Variants in RAP1B observed in about 807,000 individuals in gnomAD.
RAP1B encodes RAP1B, member of RAS oncogene family.
In RAP1B, 1 loss-of-function variant was observed where a neutral mutation model predicts 27.5. The ratio of observed to expected loss-of-function variants is 0.04; its 90% CI spans 0.01 to 0.17. The LOEUF (loss-of-function observed/expected upper bound fraction) is 0.17, where lower values mean the gene tolerates loss of function less well. Among genes scored for constraint, RAP1B ranks in the 10% least tolerant of loss-of-function variants. RAP1B has a pLI of 1.00. For synonymous variants in RAP1B, 75 were observed against 73.1 expected (o/e 1.03, Z -0.13); for missense variants, 84 against 214.8 (o/e 0.39, Z 3.81).
chr12:68,646,881 A>G (rs983968488), intron 1 of RAP1B, among the ~76,000 whole-genome samples: 1 of 152,004 alleles, frequency 6.6e-6, no homozygotes, highest in Non-Finnish European at 1.5e-5. Flanking sequence ...TGTTTGTAAG[A>G]CTCTGAAAAT....
At chr12:68,613,450 C>A (rs1018426733) in intron 1 of RAP1B, among the ~76,000 whole-genome samples, 1 of 151,750 alleles carries the variant, frequency 6.6e-6, no homozygotes, top group African/African-American at 2.4e-5. Flanking sequence ...TTACATTCTC[C>A]CCTCACCCAC....
chr12:68,665,873 T>G lies in RAP1B; in HGVS notation c.*6624T>G, dbSNP rs7967963. 6.6e-6 allele frequency: 1 copy of G among 151,396 alleles called. No homozygotes were observed. Among genetic ancestry groups the G allele is most frequent in the African/African-American group, 2.4e-5 (1 of 40,898 alleles). 9.4% of individuals were successfully genotyped at this position (151,396 alleles called of 1,614,324 possible). On this transcript the variant is annotated 3_prime_UTR_variant, in exon 8 of 8. Coordinates refer to ENST00000250559, the MANE Select transcript of RAP1B (RefSeq NM_001010942.3). ...AACAAGACATCTTTTTTTTTTTTTT[T>G]GAGAGAGTCTGGCTCTGTCACCCAG... is the stretch of plus-strand genomic sequence containing the variant.
intron 3 of RAP1B, chr12:68,650,949 T>C (rs1190762038): frequency 6.6e-6 from 1 of 152,546 alleles, no homozygotes; most frequent in Admixed American, 6.5e-5. Flanking sequence ...AGAATATTTG[T>C]ATATACATAA....
At chr12:68,646,997 G>A (rs1259602745) in intron 1 of RAP1B, among the ~76,000 whole-genome samples, 1 of 152,090 alleles carries the variant, frequency 6.6e-6, no homozygotes, top group Non-Finnish European at 1.5e-5. Flanking sequence ...TACTTTAACT[G>A]TTGGGTCTTT....
At chr12:68,624,388 A>G (rs1871601536) in intron 1 of RAP1B, 1 of 152,208 alleles carries the variant, frequency 6.6e-6, no homozygotes, top group Admixed American at 6.5e-5. Flanking sequence ...GGTATTAGGC[A>G]GTTTGTTTCC....
chr12:68,630,423 AAAAC>A (rs1252946907), intron 1 of RAP1B, among the ~76,000 whole-genome samples: 2 of 152,104 alleles, frequency 1.3e-5, no homozygotes, highest in African/African-American at 4.8e-5. Context: ...AAAAAAAACA[AAAAC>A]AAAAAAACAG....
rs949516955 is a variant in RAP1B at position 68,667,823 on chromosome 12, T to G, written c.*8574T>G. On this transcript the variant is annotated 3_prime_UTR_variant, in exon 8 of 8. Coordinates refer to ENST00000250559, the MANE Select transcript of RAP1B (RefSeq NM_001010942.3). ...CAACGGGAGATTTATAAGTCTATTTTGTTAGAATAAAAAGCAATAATACTT... is the reference window on the plus strand; with the variant it reads ...CAACGGGAGATTTATAAGTCTATTTGGTTAGAATAAAAAGCAATAATACTT... The G allele has an allele frequency of 1.3e-5, 2 of 152,222 alleles. No homozygotes were observed. Among genetic ancestry groups the G allele is most frequent in the East Asian group, 3.8e-4 (2 of 5,200 alleles). 9.4% of individuals were successfully genotyped at this position (152,222 alleles called of 1,614,324 possible). A position where few individuals can be genotyped will look rare whatever the true frequency, so the allele number is the denominator to read the frequency against.
At chr12:68,639,310 A>G (rs930924590) in intron 1 of RAP1B, among the ~76,000 whole-genome samples, 8 of 152,148 alleles carry the variant, frequency 5.3e-5, no homozygotes, top group East Asian at 1.9e-4. Flanking sequence ...CCCTCATTCC[A>G]TCTTTTTGTA....
Position 68,611,225 on chromosome 12 carries a change from C to T in RAP1B, c.-27+182C>T, listed in dbSNP as rs190718336. ...TGGCGCGAGGGCCAGGCGCCGGGCC[C>T]GCGAGCGCGCTGCCTTGCGGGCCGG... On this transcript the variant is annotated intron_variant, in intron 1 of 7. Coordinates refer to ENST00000250559, the MANE Select transcript of RAP1B (RefSeq NM_001010942.3). Among the ~76,000 whole-genome samples the T allele has an allele frequency of 2.7e-5, 4 of 147,096 alleles. No individual in the cohort carries two copies. The East Asian group carries it at 6.0e-4, about 22-fold the overall frequency.
intron 7 of RAP1B, among the ~76,000 whole-genome samples, chr12:68,658,440 T>C (rs1485128819): frequency 6.6e-6 from 1 of 152,180 alleles, no homozygotes; most frequent in East Asian, 1.9e-4. Context: ...GACCTAAAGT[T>C]CTAGGCATTT....
intron 1 of RAP1B, among the ~76,000 whole-genome samples, chr12:68,629,170 G>A (rs796660793): frequency 7.2e-5 from 11 of 152,214 alleles, no homozygotes; most frequent in African/African-American, 2.4e-4. Context: ...GTAGAGACAA[G>A]GTTTCACAAT....
chr12:68,621,946 C>T (rs1437975077), intron 1 of RAP1B, among the ~76,000 whole-genome samples: 1 of 152,130 alleles, frequency 6.6e-6, no homozygotes, highest in Non-Finnish European at 1.5e-5. Flanking sequence ...TCATTGTCCT[C>T]ATATGTTTTT....
At chr12:68,651,157 T>C (rs148071448) in intron 3 of RAP1B, among the ~76,000 whole-genome samples, 36 of 152,372 alleles carry the variant, frequency 2.4e-4, no homozygotes, top group African/African-American at 8.2e-4. Flanking sequence ...CAAAAACTTT[T>C]GGATTTGGAA....
chr12:68,659,044 T>G (rs1287116360), intron 7 of RAP1B, among the ~76,000 whole-genome samples: 3 of 152,222 alleles, frequency 2.0e-5, no homozygotes, highest in Non-Finnish European at 4.4e-5. Flanking sequence ...TTTCCCTTTC[T>G]GTTCCTAAGA....
Position 68,632,140 on chromosome 12 carries a change from T to TG in RAP1B, c.-26-16559_-26-16558insG, listed in dbSNP as rs1491585557. On this transcript the variant is annotated intron_variant, in intron 1 of 7. Transcript: ENST00000250559. ...TGGGTTTTGGATTTGTTTTTTTTTT[T>TG]TTTTTGTTTGTTTTTTTTTTCCAGA... 1.1e-4 allele frequency among the ~76,000 whole-genome samples: 15 copies of TG among 133,344 alleles called. No homozygotes were observed. The East Asian group carries it at 2.6e-3, about 23-fold the overall frequency. 87.5% of individuals were successfully genotyped at this position (133,344 alleles called of 152,430 possible).
At chr12:68,658,250 G>T (rs1369077215) in intron 7 of RAP1B, among the ~76,000 whole-genome samples, 2 of 151,930 alleles carry the variant, frequency 1.3e-5, no homozygotes, top group African/African-American at 4.8e-5. Context: ...TTCCATCTAG[G>T]GCTTTCTGTT....
chr12:68,626,259 T>G (rs1592430134), intron 1 of RAP1B, among the ~76,000 whole-genome samples: 2 of 152,256 alleles, frequency 1.3e-5, no homozygotes, highest in East Asian at 3.8e-4. Flanking sequence ...TACCTTGATT[T>G]ATCTACTAAC....
In RAP1B at chr12:68,670,229, C is replaced by G. The variant is rs1201404178; in HGVS notation, c.*10980C>G. 1 of 151,954 alleles carries G rather than the reference C, an allele frequency of 6.6e-6. No homozygotes were observed. Among genetic ancestry groups the G allele is most frequent in the Non-Finnish European group, 1.5e-5 (1 of 68,012 alleles). 9.4% of individuals were successfully genotyped at this position (151,954 alleles called of 1,614,324 possible). On this transcript the variant is annotated 3_prime_UTR_variant, in exon 8 of 8. Transcript: ENST00000250559. ...GGGATTACAGGTGTGAGCCACTGTGCCCGGCCGACAAAAATATATTTCAAT... is the reference window on the plus strand; with the variant it reads ...GGGATTACAGGTGTGAGCCACTGTGGCCGGCCGACAAAAATATATTTCAAT...
chr12:68,650,147 T>G, intron 2 of RAP1B: 1 of 240,502 alleles, frequency 4.2e-6, no homozygotes. Flanking sequence ...ACCAGAGACA[T>G]TTAAAATTTT....
Sources: allele counts gnomAD v4.1 joint callset (sites outside exome capture counted in the v4.1 genomes callset), GRCh38; gene constraint gnomAD v4.1.1; transcripts MANE v1.5; gene names NCBI Gene and HGNC (gene_info 2026-07-23, HGNC 2026-07-21).